The following AKAP12 variants were observed in gnomAD, a reference collection of about 807,000 sequenced individuals.
The protein encoded by AKAP12 is A-kinase anchoring protein 12, also known as A-kinase anchor protein 12.
A neutral mutation model predicts 79.9 loss-of-function variants in AKAP12; 32 were observed. The observed-to-expected ratio is 0.40, with a 90% CI of 0.30 to 0.54. The LOEUF is 0.54. Ranked by LOEUF, AKAP12 falls within the 20% of genes least tolerant of loss-of-function variation. AKAP12 has a pLI of 0.48. For synonymous variants in AKAP12, 808 were observed against 857.0 expected (o/e 0.94, Z 1.00); for missense variants, 2,074 against 2,177.0 (o/e 0.95, Z 0.94).
In AKAP12 at chr6:151,305,798, G is replaced by A. The variant is rs61755979; in HGVS notation, c.214G>A (p.Asp72Asn). 5.4e-3 allele frequency: 8,687 copies of A among 1,614,016 alleles called. 480 individuals are homozygous for A. In the South Asian group the frequency reaches 0.088, roughly 16 times the overall value. The change falls in exon 3 of 5, where the codon GAT becomes AAT. Residue 72 changes from aspartate to asparagine, a missense_variant. Physicochemically the swap from Asp to Asn is conservative, Grantham distance 23 (BLOSUM62 1). Coordinates refer to ENST00000402676, the MANE Select transcript of AKAP12 (RefSeq NM_005100.4). ...LSTINGVAEQ[D>N]ELSLQEGDLN... is the part of the protein sequence containing the mutation. ...CACCATCAATGGCGTAGCTGAGCAA[G>A]ATGAGCTCAGCCTCCAGGAGGGTGA...
At chr6:151,242,739 G>T (rs1266597050) in intron 2 of AKAP12, among the ~76,000 whole-genome samples, 1 of 152,230 alleles carries the variant, frequency 6.6e-6, no homozygotes. Context: ...TTTCACATGT[G>T]TGGGTTTAGT....
At chr6:151,272,386 T>C (rs1776203435) in intron 2 of AKAP12, among the ~76,000 whole-genome samples, 1 of 150,508 alleles carries the variant, frequency 6.6e-6, no homozygotes, top group African/African-American at 2.5e-5. Context: ...GTCCAGCATA[T>C]AACCAAATTG....
intron 3 of AKAP12, among the ~76,000 whole-genome samples, chr6:151,340,020 G>C (rs1305861038): frequency 2.6e-5 from 4 of 151,764 alleles, no homozygotes; most frequent in Admixed American, 2.0e-4. Context: ...CCCGTCTCCC[G>C]GGTTCAAGCA....
chr6:151,323,697 G>A (rs752130968), intron 3 of AKAP12: 42 of 985,208 alleles, frequency 4.3e-5, no homozygotes, highest in Non-Finnish European at 5.1e-5. Flanking sequence ...GTGACATTTT[G>A]TGTGTTTTTC....
intron 3 of AKAP12, among the ~76,000 whole-genome samples, chr6:151,312,368 G>A (rs1777124972): frequency 6.6e-6 from 1 of 152,032 alleles, no homozygotes; most frequent in Non-Finnish European, 1.5e-5. Flanking sequence ...AGTTGCTTGG[G>A]AGGCTAAGGT....
intron 3 of AKAP12, among the ~76,000 whole-genome samples, chr6:151,315,761 G>A (rs984167596): frequency 1.3e-5 from 2 of 152,180 alleles, no homozygotes; most frequent in Admixed American, 1.3e-4. Context: ...AAAGGAAAGA[G>A]GTTTAATTGA....
intron 2 of AKAP12, among the ~76,000 whole-genome samples, chr6:151,290,584 A>G (rs1484792833): frequency 6.6e-6 from 1 of 150,386 alleles, no homozygotes; most frequent in African/African-American, 2.4e-5. Context: ...CCCCTCACTG[A>G]TGGTTCCCAG....
chr6:151,259,479 T>TATATACACACAC (rs1797371074), intron 2 of AKAP12, among the ~76,000 whole-genome samples: 1 of 90,194 alleles, frequency 1.1e-5, no homozygotes, highest in Admixed American at 1.4e-4. Context: ...TGTATATATA[T>TATATACACACAC]ATATACACAC....
chr6:151,306,692 A>G (rs1776985625), intron 3 of AKAP12, among the ~76,000 whole-genome samples: 1 of 152,208 alleles, frequency 6.6e-6, no homozygotes, highest in South Asian at 2.1e-4. Context: ...AGATTCTTCA[A>G]ACATGTGGAA....
chr6:151,325,003 T>G (rs1164053130), intron 3 of AKAP12: 1 of 985,452 alleles, frequency 1.0e-6, no homozygotes, highest in Non-Finnish European at 1.2e-6. Flanking sequence ...ACTTCTGCCA[T>G]TTAGAAAAAG....
At chr6:151,343,741 G>GCC (rs1444044863) in intron 3 of AKAP12, among the ~76,000 whole-genome samples, 11 of 152,106 alleles carry the variant, frequency 7.2e-5, no homozygotes, top group African/African-American at 2.7e-4. Context: ...CTGAGATCGA[G>GCC]CCACTGCACT....
rs142243463 is a variant in AKAP12, at chr6:151,352,153, T to C, written c.3762T>C (p.Thr1254=). Residue 1254 remains threonine (T), a synonymous_variant, in exon 4 of 5, where the codon ACT becomes ACC. Transcript: ENST00000402676. Reference sequence around the variant, plus strand: ...CAGATAAAGAGGTGTCAGTGGAAACTGTATCCATTCTGTCAAAGACTGAGG... The same window carrying C: ...CAGATAAAGAGGTGTCAGTGGAAACCGTATCCATTCTGTCAAAGACTGAGG... The part of the protein sequence containing the change: ...EHTDKEVSVE[T]VSILSKTEGT... 2.0e-5 allele frequency: 33 copies of C among 1,614,030 alleles called. No homozygotes were observed. Among genetic ancestry groups the C allele is most frequent in the Non-Finnish European group, 2.7e-5 (32 of 1,180,012 alleles).
At position 151,353,176 on chromosome 6, in the gene AKAP12, G is replaced by A; in HGVS notation, c.4785G>A (p.Glu1595=). 6.2e-7 allele frequency: 1 copy of A among 1,614,164 alleles called. No individual in the cohort carries two copies. The highest frequency in any genetic ancestry group is 8.5e-7 in the Non-Finnish European group (1 of 1,180,040). Residue 1595 remains glutamate (E), a synonymous_variant, in exon 4 of 5, where the codon GAG becomes GAA. Coordinates refer to ENST00000402676, the MANE Select transcript of AKAP12 (RefSeq NM_005100.4). ...GCCAGGACGCTGGACAGGAAACGGA[G>A]AAAGAAGGAGAGGAACCTCAGGCCT... ...ADSQDAGQET[E]KEGEEPQASA...
At chr6:151,274,358 C>T (rs1484852957) in intron 2 of AKAP12, among the ~76,000 whole-genome samples, 4 of 152,054 alleles carry the variant, frequency 2.6e-5, no homozygotes, top group Admixed American at 6.6e-5. Flanking sequence ...GGACTACAGG[C>T]GTGAGCCACT....
intron 2 of AKAP12, among the ~76,000 whole-genome samples, chr6:151,258,235 G>C (rs547135428): frequency 1.3e-5 from 2 of 152,342 alleles, no homozygotes; most frequent in African/African-American, 4.8e-5. Context: ...AGGTCACACA[G>C]AGCCTTCTTG....
At chr6:151,254,883 T>C (rs565819733) in intron 2 of AKAP12, among the ~76,000 whole-genome samples, 20 of 152,300 alleles carry the variant, frequency 1.3e-4, no homozygotes, top group Admixed American at 5.2e-4. Context: ...CAGGGAGGAA[T>C]GCAAAGAATG....
Position 151,353,602 on chromosome 6 carries a change from G to C in AKAP12, c.5211G>C (p.Glu1737Asp). ...SPDTNGPKQK[E>D]KEDAQEVELQ... is the part of the protein sequence containing the mutation. ...ATACAAATGGACCAAAACAAAAAGAGAAGGAGGATGCCCAGGAAGTAGAAT... is the reference window on the plus strand; with the variant it reads ...ATACAAATGGACCAAAACAAAAAGACAAGGAGGATGCCCAGGAAGTAGAAT... The change falls in exon 4 of 5, where the codon GAG becomes GAC. Residue 1737 changes from glutamate (E) to aspartate (D), a missense_variant. By Grantham distance (45) the Glu-to-Asp change is conservative (BLOSUM62 2). Transcript: ENST00000402676. 6.2e-7 allele frequency: 1 copy of C among 1,614,120 alleles called. No homozygotes were observed. Among genetic ancestry groups the C allele is most frequent in the Non-Finnish European group, 8.5e-7 (1 of 1,180,000 alleles).
In AKAP12 at chr6:151,305,755, G is replaced by A. The variant is rs757017876; in HGVS notation, c.171G>A (p.Gln57=). The change falls in exon 3 of 5, where the codon CAG becomes CAA. Residue 57 remains glutamine, a synonymous_variant. Coordinates refer to ENST00000402676, the MANE Select transcript of AKAP12 (RefSeq NM_005100.4). ...AASDPATKLL[Q]KNGQLSTING... The stretch of plus-strand genomic sequence containing the variant: ...CTTTGTCTTTTCCATAGCTCCTACA[G>A]AAGAATGGTCAGCTGTCCACCATCA... The A allele has an allele frequency of 6.2e-7, 1 of 1,610,958 alleles. No homozygotes were observed. Among genetic ancestry groups the A allele is most frequent in the Non-Finnish European group, 8.5e-7 (1 of 1,178,962 alleles).
At chr6:151,256,944 C>T (rs774272155) in intron 2 of AKAP12, among the ~76,000 whole-genome samples, 5 of 69,090 alleles carry the variant, frequency 7.2e-5, no homozygotes, top group African/African-American at 3.3e-4. Flanking sequence ...CCACCGCGCC[C>T]GGCCTATATA....
Sources: gnomAD v4.1 joint callset for allele counts (sites outside exome capture counted in the v4.1 genomes callset) on GRCh38, gnomAD v4.1.1 for gene constraint, MANE v1.5 for transcripts, NCBI Gene and HGNC (gene_info 2026-07-23, HGNC 2026-07-21) for gene names.